The following KCNMA1 variants were observed in gnomAD, a reference collection of about 807,000 sequenced individuals.
KCNMA1 encodes Calcium-activated potassium channel subunit alpha-1.
A neutral mutation model predicts 140.0 loss-of-function variants in KCNMA1; 29 were observed. That is an observed-to-expected ratio of 0.21 (90% confidence interval 0.15 to 0.28). The LOEUF is 0.28. Among genes scored for constraint, KCNMA1 ranks in the 10% least tolerant of loss-of-function variants. KCNMA1 has a pLI of 1.00. For synonymous variants in KCNMA1, 612 were observed against 611.9 expected (o/e 1.00, Z 0.00); for missense variants, 880 against 1,602.2 (o/e 0.55, Z 7.70).
At chr10:77,167,595 T>G (rs1248677899) in intron 5 of KCNMA1, among the ~76,000 whole-genome samples, 1 of 152,146 alleles carries the variant, frequency 6.6e-6, no homozygotes, top group Admixed American at 6.5e-5. Flanking sequence ...GCAATATTTA[T>G]GAAGTTTCTT....
intron 3 of KCNMA1, among the ~76,000 whole-genome samples, chr10:77,195,699 A>G (rs60169058): frequency 0.02 from 3,033 of 152,264 alleles, 104 homozygotes; most frequent in African/African-American, 0.069. Flanking sequence ...CTGTAATCCC[A>G]GCACTTTGGG....
At chr10:77,145,590 T>C (rs1378347875) in intron 5 of KCNMA1, among the ~76,000 whole-genome samples, 1 of 152,202 alleles carries the variant, frequency 6.6e-6, no homozygotes, top group Non-Finnish European at 1.5e-5. Context: ...CTTGCTCCTC[T>C]TCCTCTGCAT....
chr10:77,289,762 CA>C (rs2072503594), intron 2 of KCNMA1, among the ~76,000 whole-genome samples: 4 of 152,084 alleles, frequency 2.6e-5, no homozygotes, highest in Non-Finnish European at 5.9e-5. Context: ...AATAGTACAT[CA>C]AAAATTTCCT....
At chr10:76,977,573 A>G in intron 19 of KCNMA1, 1 of 702,988 alleles carries the variant, frequency 1.4e-6, no homozygotes, top group South Asian at 1.5e-5. Context: ...TGACCCCTGC[A>G]GTAGTTTAAT....
At chr10:76,984,226 G>A (rs1306305504) in intron 19 of KCNMA1, among the ~76,000 whole-genome samples, 2 of 150,512 alleles carry the variant, frequency 1.3e-5, no homozygotes, top group East Asian at 2.0e-4. Flanking sequence ...ACGGAGTCTC[G>A]CTCTGTCACC....
At chr10:76,897,464 G>A (rs914571535) in intron 25 of KCNMA1, among the ~76,000 whole-genome samples, 5 of 151,930 alleles carry the variant, frequency 3.3e-5, no homozygotes, top group African/African-American at 1.2e-4. Flanking sequence ...AATGTCAAAG[G>A]AATTTTGACA....
intron 20 of KCNMA1, among the ~76,000 whole-genome samples, chr10:76,960,245 G>C (rs1003044690): frequency 1.3e-5 from 2 of 152,140 alleles, no homozygotes; most frequent in African/African-American, 4.8e-5. Flanking sequence ...AGTCTAATAA[G>C]GAACACAGGC....
chr10:77,393,512 G>A (rs1278364794), intron 2 of KCNMA1, among the ~76,000 whole-genome samples: 2 of 152,220 alleles, frequency 1.3e-5, no homozygotes, highest in Non-Finnish European at 2.9e-5. Context: ...TGTAGATGAG[G>A]AAACTGAGGT....
At chr10:77,382,978 GTGTGTGTGTGTGTGTGTATATATA>G (rs1246134436) in intron 2 of KCNMA1, among the ~76,000 whole-genome samples, 7 of 70,938 alleles carry the variant, frequency 9.9e-5, no homozygotes, top group African/African-American at 4.7e-4. Flanking sequence ...GTGTGTGTGT[GTGTGTGTGTGTGTGTGTATATATA>G]TATATATATA....
chr10:77,271,169 T>C (rs570997450), intron 2 of KCNMA1, among the ~76,000 whole-genome samples: 1 of 152,312 alleles, frequency 6.6e-6, no homozygotes, highest in Admixed American at 6.5e-5. Context: ...GTTTTTAGGT[T>C]TATATTTTTG....
At chr10:77,591,008 C>T (rs896471883) in intron 1 of KCNMA1, among the ~76,000 whole-genome samples, 1 of 152,208 alleles carries the variant, frequency 6.6e-6, no homozygotes, top group Admixed American at 6.5e-5. Context: ...AGCCACGGAG[C>T]TCAACAGCAA....
intron 23 of KCNMA1, among the ~76,000 whole-genome samples, chr10:76,924,736 AG>A (rs1293356973): frequency 6.6e-6 from 1 of 152,150 alleles, no homozygotes; most frequent in African/African-American, 2.4e-5. Context: ...GGGCCCAGAG[AG>A]AGTTTTCAGG....
chr10:77,486,088 G>A (rs574032568), intron 1 of KCNMA1, among the ~76,000 whole-genome samples: 2 of 152,296 alleles, frequency 1.3e-5, no homozygotes, highest in African/African-American at 4.8e-5. Context: ...TAGAGATAAT[G>A]ATAAGCCATG....
chr10:77,603,369 A>G (rs573847858), intron 1 of KCNMA1, among the ~76,000 whole-genome samples: 19 of 152,210 alleles, frequency 1.2e-4, no homozygotes, highest in African/African-American at 4.6e-4. Context: ...CCAGGACTGA[A>G]TGAGATGCGT....
intron 5 of KCNMA1, among the ~76,000 whole-genome samples, chr10:77,125,781 T>C (rs1484437337): frequency 6.6e-6 from 1 of 152,224 alleles, no homozygotes; most frequent in African/African-American, 2.4e-5. Context: ...CAATAAATCC[T>C]TGTTTGAACT....
At chr10:77,174,681 G>A (rs1017684797) in intron 5 of KCNMA1, among the ~76,000 whole-genome samples, 3 of 152,208 alleles carry the variant, frequency 2.0e-5, no homozygotes, top group African/African-American at 7.2e-5. Context: ...GCTATTTAAA[G>A]TGTGGTCCAC....
chr10:77,007,653 G>GTGTGTGTGTATA, intron 18 of KCNMA1, among the ~76,000 whole-genome samples: 1 of 88,446 alleles, frequency 1.1e-5, no homozygotes, highest in Admixed American at 1.1e-4. Context: ...TTGTGTGTGT[G>GTGTGTGTGTATA]TATATATATA....
chr10:77,620,262 G>A (rs763484241), intron 1 of KCNMA1, among the ~76,000 whole-genome samples: 29 of 152,048 alleles, frequency 1.9e-4, no homozygotes, highest in African/African-American at 5.1e-4. Flanking sequence ...GGGCCTGGCC[G>A]CCGGGCCTGG....
chr10:77,538,011 G>A (rs187003868), intron 1 of KCNMA1, among the ~76,000 whole-genome samples: 58 of 151,222 alleles, frequency 3.8e-4, no homozygotes, highest in South Asian at 4.2e-4. Context: ...TCTCACATTC[G>A]TATACTCTAC....
Sources: gnomAD v4.1 joint callset for allele counts (sites outside exome capture counted in the v4.1 genomes callset) on GRCh38, gnomAD v4.1.1 for gene constraint, MANE v1.5 for transcripts, NCBI Gene and HGNC (gene_info 2026-07-23, HGNC 2026-07-21) for gene names.